The following SCHIP1 variants were observed in gnomAD, a reference collection of about 807,000 sequenced individuals.
SCHIP1 encodes the protein schwannomin-interacting protein 1.
A neutral mutation model predicts 29.7 loss-of-function variants in SCHIP1; 8 were observed. That is an observed-to-expected ratio of 0.27 (90% CI 0.16 to 0.49). The LOEUF (loss-of-function observed/expected upper bound fraction) is 0.49, where lower values mean the gene tolerates loss of function less well. Ranked by LOEUF, SCHIP1 falls within the 20% of genes least tolerant of loss-of-function variation. SCHIP1 has a pLI of 0.99. For missense variants in SCHIP1, 193 were observed against 294.6 expected (o/e 0.66, Z 2.52); for synonymous variants, 76 against 94.9 (o/e 0.80, Z 1.16).
the SCHIP1 span, among the ~76,000 whole-genome samples, chr3:159,488,010 T>C: frequency 2.0e-5 from 3 of 152,198 alleles, no homozygotes; most frequent in Non-Finnish European, 2.9e-5. Context: ...GGGGCAGGAA[T>C]TGTGCTTTTT....
chr3:159,828,397 GTATA>G, the SCHIP1 span, among the ~76,000 whole-genome samples: 2 of 87,528 alleles, frequency 2.3e-5, no homozygotes, highest in East Asian at 3.0e-4. Flanking sequence ...ACATATATAC[GTATA>G]TATATACGTA....
At chr3:159,351,554 A>C in the SCHIP1 span, among the ~76,000 whole-genome samples, 1 of 151,954 alleles carries the variant, frequency 6.6e-6, no homozygotes, top group Non-Finnish European at 1.5e-5. Context: ...TTATTTTAAT[A>C]TTTCTATTTA....
the SCHIP1 span, chr3:159,274,844 T>C: frequency 8.6e-6 from 5 of 580,350 alleles, no homozygotes; most frequent in Non-Finnish European, 1.1e-5. Context: ...CCTAATAAAA[T>C]ATATTTTTAT....
intron 1 of SCHIP1, among the ~76,000 whole-genome samples, chr3:159,850,575 G>A (rs935191593): frequency 2.7e-5 from 4 of 146,918 alleles, no homozygotes; most frequent in Admixed American, 6.8e-5. Flanking sequence ...AAGGAAATAC[G>A]TGAGACTGGG....
the SCHIP1 span, among the ~76,000 whole-genome samples, chr3:159,744,304 A>G: frequency 6.6e-6 from 1 of 152,266 alleles, no homozygotes; most frequent in African/African-American, 2.4e-5. Context: ...TCTGAAAGAA[A>G]CTGATCAAAA....
At chr3:159,683,616 T>C in the SCHIP1 span, among the ~76,000 whole-genome samples, 2 of 152,218 alleles carry the variant, frequency 1.3e-5, no homozygotes, top group East Asian at 3.8e-4. Context: ...TCACTAGCCC[T>C]GTTCCCAACT....
At chr3:159,524,733 C>G in the SCHIP1 span, among the ~76,000 whole-genome samples, 65 of 152,232 alleles carry the variant, frequency 4.3e-4, no homozygotes, top group African/African-American at 1.4e-3. Context: ...TCTCAGATGA[C>G]CCAAAGAGGA....
chr3:159,758,985 C>G, the SCHIP1 span, among the ~76,000 whole-genome samples: 1 of 152,236 alleles, frequency 6.6e-6, no homozygotes, highest in Non-Finnish European at 1.5e-5. Context: ...TAGTGTTTGT[C>G]AAGCCAGGTG....
the SCHIP1 span, among the ~76,000 whole-genome samples, chr3:159,508,622 G>A: frequency 1.3e-5 from 2 of 152,006 alleles, no homozygotes; most frequent in Non-Finnish European, 2.9e-5. Context: ...TAAATTTCCC[G>A]CTACACACTG....
chr3:159,294,473 A>G, the SCHIP1 span, among the ~76,000 whole-genome samples: 1 of 152,316 alleles, frequency 6.6e-6, no homozygotes, highest in Non-Finnish European at 1.5e-5. Context: ...GTATTTATTT[A>G]TAGCCCACCT....
At chr3:159,831,469 T>G in the SCHIP1 span, among the ~76,000 whole-genome samples, 4 of 152,144 alleles carry the variant, frequency 2.6e-5, no homozygotes, top group Non-Finnish European at 4.4e-5. Context: ...ATATTATGGT[T>G]TTTTCCTATA....
the SCHIP1 span, among the ~76,000 whole-genome samples, chr3:159,714,420 G>A: frequency 1.1e-4 from 17 of 152,282 alleles, no homozygotes; most frequent in Admixed American, 6.5e-4. Flanking sequence ...CCCACGGACC[G>A]TAAGCCGAAG....
the SCHIP1 span, among the ~76,000 whole-genome samples, chr3:159,523,891 T>C: frequency 2.0e-5 from 3 of 152,220 alleles, no homozygotes; most frequent in African/African-American, 7.2e-5. Flanking sequence ...AATTGCCTCC[T>C]CAAATTCAGA....
the SCHIP1 span, among the ~76,000 whole-genome samples, chr3:159,696,598 C>A: frequency 6.6e-6 from 1 of 152,322 alleles, no homozygotes; most frequent in South Asian, 2.1e-4. Flanking sequence ...ATGTGTCCTA[C>A]AATAGTGGGC....
At chr3:159,805,622 T>C in the SCHIP1 span, among the ~76,000 whole-genome samples, 1 of 152,100 alleles carries the variant, frequency 6.6e-6, no homozygotes, top group African/African-American at 2.4e-5. Flanking sequence ...AGACAGAGGG[T>C]GTGCTTTTTG....
chr3:159,295,851 A>C, the SCHIP1 span, among the ~76,000 whole-genome samples: 171 of 152,340 alleles, frequency 1.1e-3, no homozygotes, highest in African/African-American at 4.0e-3. Context: ...ATATTCCATA[A>C]ATTTTTTGAA....
chr3:159,840,338 C>T lies in SCHIP1; in HGVS notation c.30+124C>T, dbSNP rs1744114758. 7.6e-6 allele frequency: 6 copies of T among 787,254 alleles called. No homozygotes were observed. In the East Asian group the frequency reaches 1.6e-4, roughly 21 times the overall value. 48.8% of individuals were successfully genotyped at this position (787,254 alleles called of 1,614,324 possible). ...TTTGCCATCTTCCGCGCCTGGCCTT[C>T]ATCACGTGCAGTATCTGAATTGTAA... On this transcript the variant is annotated intron_variant, in intron 1 of 6. Transcript: ENST00000445224.
the SCHIP1 span, chr3:159,764,496 CAG>C: frequency 6.3e-7 from 1 of 1,587,988 alleles, no homozygotes; most frequent in Non-Finnish European, 8.6e-7. The surrounding 1 kb of genome is among the most constrained non-coding windows in gnomAD (Gnocchi z 6.1). Flanking sequence ...GCAGCAGCAG[CAG>C]CAGCCGCGCC....
the SCHIP1 span, among the ~76,000 whole-genome samples, chr3:159,472,480 A>G: frequency 8.1e-4 from 124 of 152,186 alleles, no homozygotes; most frequent in East Asian, 8.1e-3. Flanking sequence ...GCAGCCTTTT[A>G]CCTCTTATGC....
Sources: gnomAD v4.1 joint callset for allele counts (sites outside exome capture counted in the v4.1 genomes callset) on GRCh38, gnomAD v4.1.1 for gene constraint, Gnocchi (gnomAD v3.1) non-coding constraint, MANE v1.5 for transcripts, NCBI Gene and HGNC (gene_info 2026-07-23, HGNC 2026-07-21) for gene names.